The following ZCCHC14 variants were observed in gnomAD, a reference collection of about 807,000 sequenced individuals.
The protein encoded by ZCCHC14 is zinc finger CCHC-type containing 14.
ZCCHC14 carries 16 observed loss-of-function variants against 85.0 expected under a neutral mutation model. The ratio of observed to expected loss-of-function variants is 0.19; its 90% CI spans 0.13 to 0.29. The LOEUF is 0.29. Among genes scored for constraint, ZCCHC14 ranks in the 10% least tolerant of loss-of-function variants. The pLI is 1.00. For missense variants in ZCCHC14, 1,303 were observed against 1,443.5 expected, an observed-to-expected ratio of 0.90 and a Z score of 1.58; for synonymous variants, 775 against 630.7, an observed-to-expected ratio of 1.23 and a Z score of -3.43.
chr16:87,481,559 A>AGGGGGG (rs1912279979), intron 1 of ZCCHC14, among the ~76,000 whole-genome samples: 2 of 13,874 alleles, frequency 1.4e-4, no homozygotes, highest in Non-Finnish European at 2.7e-4. Flanking sequence ...GGGGAAGGGT[A>AGGGGGG]AGCGGGAGGG....
At chr16:87,448,318 G>A (rs1910535453) in intron 2 of ZCCHC14, among the ~76,000 whole-genome samples, 1 of 152,132 alleles carries the variant, frequency 6.6e-6, no homozygotes, top group African/African-American at 2.4e-5. Flanking sequence ...TTTCTTCACA[G>A]GTGAAATCTG....
chr16:87,413,206 G>T lies in ZCCHC14; in HGVS notation c.1604-11C>A. The T allele has an allele frequency of 2.6e-6, 4 of 1,536,324 alleles. No homozygotes were observed. Among genetic ancestry groups the T allele is most frequent in the Admixed American group, 2.0e-5 (1 of 49,320 alleles). ...CTTCCACCCGCAGCTCTGCAGAAAA[G>T]GGACAGAGGAGCAGCCATCAACTAG... is the stretch of plus-strand genomic sequence containing the variant. On this transcript the variant is annotated splice_polypyrimidine_tract_variant and intron_variant, in intron 10 of 12. Coordinates refer to ENST00000671377, the MANE Select transcript of ZCCHC14 (RefSeq NM_015144.3).
At chr16:87,462,617 G>A (rs1176351876) in intron 1 of ZCCHC14, among the ~76,000 whole-genome samples, 2 of 151,650 alleles carry the variant, frequency 1.3e-5, no homozygotes, top group Admixed American at 6.6e-5. Flanking sequence ...GCGGGTGCTT[G>A]TAGTCCCAGC....
intron 2 of ZCCHC14, among the ~76,000 whole-genome samples, chr16:87,458,843 T>A (rs8050237): frequency 2.6e-5 from 4 of 151,980 alleles, no homozygotes; most frequent in East Asian, 1.9e-4. Flanking sequence ...ACAGCCGGCC[T>A]CGGTACCTCT....
chr16:87,445,853 G>A (rs1910410820), intron 2 of ZCCHC14, among the ~76,000 whole-genome samples: 1 of 152,046 alleles, frequency 6.6e-6, no homozygotes, highest in African/African-American at 2.4e-5. Context: ...ATTGTTGAGG[G>A]AAAACTAATT....
chr16:87,484,414 C>T (rs1028522708), intron 1 of ZCCHC14, among the ~76,000 whole-genome samples: 5 of 152,118 alleles, frequency 3.3e-5, no homozygotes, highest in African/African-American at 1.2e-4. Flanking sequence ...CAAAGAGGTT[C>T]GAGGCAAAAG....
At chr16:87,473,154 C>T (rs1911849326) in intron 1 of ZCCHC14, 1 of 151,996 alleles carries the variant, frequency 6.6e-6, no homozygotes, top group South Asian at 2.1e-4. Context: ...ATGCCACATC[C>T]AAGAGGATGG....
At chr16:87,460,249 T>A in intron 1 of ZCCHC14, 118 bp from the exon 2 acceptor site, 1 of 1,316,596 alleles carries the variant, frequency 7.6e-7, no homozygotes, top group Non-Finnish European at 1.0e-6. Context: ...ACAAAACATG[T>A]ATTATTATAA....
At chr16:87,489,088 A>G (rs1912638091) in intron 1 of ZCCHC14, among the ~76,000 whole-genome samples, 1 of 152,262 alleles carries the variant, frequency 6.6e-6, no homozygotes, top group Non-Finnish European at 1.5e-5. Context: ...CTTAAATGCT[A>G]GATTTCATCT....
intron 2 of ZCCHC14, among the ~76,000 whole-genome samples, chr16:87,448,581 C>G (rs1315545475): frequency 1.3e-5 from 2 of 152,190 alleles, no homozygotes; most frequent in African/African-American, 4.8e-5. Flanking sequence ...CACCTTCTAC[C>G]TTGTATCTCC....
intron 1 of ZCCHC14, among the ~76,000 whole-genome samples, chr16:87,476,841 T>C (rs1912027386): frequency 6.6e-6 from 1 of 151,618 alleles, no homozygotes; most frequent in African/African-American, 2.4e-5. Context: ...AAAACTGAAG[T>C]GGTGGCCGGG....
At chr16:87,473,014 C>T (rs1403007189) in intron 1 of ZCCHC14, 2 of 152,094 alleles carry the variant, frequency 1.3e-5, no homozygotes, top group African/African-American at 4.8e-5. Context: ...CCACTGCACC[C>T]AGTGTAAGAA....
intron 4 of ZCCHC14, among the ~76,000 whole-genome samples, chr16:87,423,282 A>T (rs543453773): frequency 7.9e-5 from 12 of 152,350 alleles, no homozygotes; most frequent in African/African-American, 2.6e-4. Flanking sequence ...GTAAAGATAA[A>T]CGTGGGAGGA....
intron 4 of ZCCHC14, among the ~76,000 whole-genome samples, chr16:87,421,199 C>A (rs935468281): frequency 6.6e-6 from 1 of 152,198 alleles, no homozygotes. Context: ...CCAGAGAGAG[C>A]CCCATCGGTG....
intron 1 of ZCCHC14, among the ~76,000 whole-genome samples, chr16:87,489,716 A>G (rs1384677560): frequency 6.6e-6 from 1 of 152,222 alleles, no homozygotes; most frequent in East Asian, 1.9e-4. Flanking sequence ...AGAGAGGAAT[A>G]GATTAGCCCC....
At chr16:87,413,218 C>A (rs1253756352) in intron 10 of ZCCHC14, 23 bp from the exon 11 acceptor site, 2 of 1,509,710 alleles carry the variant, frequency 1.3e-6, no homozygotes, top group Admixed American at 4.3e-5. Context: ...GACAGAGGAG[C>A]AGCCATCAAC....
Position 87,487,510 on chromosome 16 carries a change from G to A in ZCCHC14, c.570+4159C>T, listed in dbSNP as rs553208342. Among the ~76,000 whole-genome samples the A allele has an allele frequency of 1.2e-4, 18 of 152,312 alleles. No individual in the cohort carries two copies. The East Asian group carries it at 3.1e-3, about 26-fold the overall frequency. On this transcript the variant is annotated intron_variant, in intron 1 of 12. Coordinates refer to ENST00000671377, the MANE Select transcript of ZCCHC14 (RefSeq NM_015144.3). ...ACAGAGTTCCCTGCCACCTCCAGCT[G>A]CAGCTCCCCAGGCTGGCTGAGGCCA...
At chr16:87,442,175 C>T (rs896359213) in intron 2 of ZCCHC14, among the ~76,000 whole-genome samples, 4 of 152,198 alleles carry the variant, frequency 2.6e-5, no homozygotes, top group African/African-American at 9.7e-5. Context: ...CTGCCGAACA[C>T]ACCTCCAGCA....
At chr16:87,458,720 G>C (rs981417599) in intron 2 of ZCCHC14, among the ~76,000 whole-genome samples, 4 of 152,190 alleles carry the variant, frequency 2.6e-5, no homozygotes, top group Non-Finnish European at 5.9e-5. Flanking sequence ...GGGCGGTTGG[G>C]GGAGAGCGCA....
Sources: gnomAD v4.1 joint callset for allele counts (sites outside exome capture counted in the v4.1 genomes callset) on GRCh38, gnomAD v4.1.1 for gene constraint, MANE v1.5 for transcripts, NCBI Gene and HGNC (gene_info 2026-07-23, HGNC 2026-07-21) for gene names.